Variants in EZH1 observed in about 807,000 individuals in gnomAD.
EZH1 encodes the protein enhancer of zeste 1 polycomb repressive complex 2 subunit, also known as histone-lysine N-methyltransferase EZH1.
Under a neutral mutation model 100.5 loss-of-function variants are expected in EZH1, and 33 were observed. The observed-to-expected ratio is 0.33, with a 90% CI of 0.25 to 0.44. EZH1 has a LOEUF of 0.44. Among genes scored for constraint, EZH1 ranks in the 20% least tolerant of loss-of-function variants. The pLI is 1.00. For synonymous variants in EZH1, 272 were observed against 313.8 expected (o/e 0.87, Z 1.41); for missense variants, 475 against 928.4 (o/e 0.51, Z 6.35).
At chr17:42,734,805 C>T (rs2054033681) in intron 1 of EZH1, among the ~76,000 whole-genome samples, 1 of 151,976 alleles carries the variant, frequency 6.6e-6, no homozygotes, top group South Asian at 2.1e-4. Context: ...ACCAGCCTGG[C>T]CAACATAGTG....
chr17:42,705,805 A>G, intron 16 of EZH1: 1 of 498,028 alleles, frequency 2.0e-6, no homozygotes, highest in Non-Finnish European at 3.3e-6. Flanking sequence ...GGCATGAGCC[A>G]CCACACCTGG....
intron 2 of EZH1, among the ~76,000 whole-genome samples, chr17:42,730,217 T>C (rs997626712): frequency 2.6e-5 from 4 of 152,168 alleles, no homozygotes; most frequent in African/African-American, 9.7e-5. Flanking sequence ...TACTTCAAGA[T>C]ATGGAAGTCT....
chr17:42,738,341 T>C (rs1338471651), intron 1 of EZH1, among the ~76,000 whole-genome samples: 1 of 152,060 alleles, frequency 6.6e-6, no homozygotes, highest in Non-Finnish European at 1.5e-5. Flanking sequence ...CTTTGATAGT[T>C]TCTCTTGAAT....
chr17:42,708,725 A>T, intron 14 of EZH1, 151 bp downstream of exon 14: 1 of 810,628 alleles, frequency 1.2e-6, no homozygotes, highest in Non-Finnish European at 2.1e-6. Flanking sequence ...AGTTGCAGTG[A>T]GAGGCTCAGC....
intron 1 of EZH1, 55 bp downstream of exon 1, chr17:42,744,956 G>A (rs1374411126): frequency 3.2e-6 from 4 of 1,252,994 alleles, no homozygotes; most frequent in Non-Finnish European, 4.1e-6. Flanking sequence ...GCCCAGGGCG[G>A]CGAGGGGAGG....
intron 5 of EZH1, 53 bp from the exon 6 acceptor site, chr17:42,722,968 T>C: frequency 6.4e-7 from 1 of 1,573,750 alleles, no homozygotes; most frequent in Non-Finnish European, 8.6e-7. Flanking sequence ...GCATCTGCTC[T>C]TTCCTATTTA....
Position 42,718,119 on chromosome 17 carries a change from G to A in EZH1, c.932-52C>T, listed in dbSNP as rs902632353. ...CAGTGGTCTATCCACTTGACAAGATGGGGAGAAACAAAAGTGAATTAGAGA... is the reference window on the plus strand; with the variant it reads ...CAGTGGTCTATCCACTTGACAAGATAGGGAGAAACAAAAGTGAATTAGAGA... On this transcript the variant is annotated intron_variant, in intron 9 of 20. Coordinates refer to ENST00000428826, the MANE Select transcript of EZH1 (RefSeq NM_001991.5). This position sits in a 1 kb window ranked among gnomAD's most constrained non-coding sequence, Gnocchi z 4.2. The A allele has an allele frequency of 6.7e-7, 1 of 1,487,568 alleles. No individual in the cohort carries two copies. Among genetic ancestry groups the A allele is most frequent in the African/African-American group, 1.4e-5 (1 of 72,452 alleles). 92.1% of individuals were successfully genotyped at this position (1,487,568 alleles called of 1,614,324 possible).
chr17:42,706,777 A>AG lies in EZH1; in HGVS notation c.1661-593dup, dbSNP rs560299430. On this transcript the variant is annotated intron_variant, in intron 15 of 20. Coordinates refer to ENST00000428826, the MANE Select transcript of EZH1 (RefSeq NM_001991.5). The surrounding 1 kb of genome is among the most constrained non-coding windows in gnomAD (Gnocchi z 4.4). ...CCCAACAATCCTCTCCCTCCCACTG[A>AG]GGTGGAGAGTACCCCAGAGAATATG... is the stretch of plus-strand genomic sequence containing the variant. Among the ~76,000 whole-genome samples the AG allele has an allele frequency of 1.1e-4, 16 of 152,278 alleles. No homozygotes were observed. In the South Asian group the frequency reaches 3.3e-3, roughly 32 times the overall value.
chr17:42,734,907 C>T (rs1051815271), intron 1 of EZH1, among the ~76,000 whole-genome samples: 6 of 149,296 alleles, frequency 4.0e-5, no homozygotes, highest in Non-Finnish European at 5.9e-5. Context: ...GCAGGAGAAT[C>T]GCTTGAACCT....
chr17:42,712,147 C>G (rs1315607816), intron 12 of EZH1, 142 bp downstream of exon 12: 3 of 871,700 alleles, frequency 3.4e-6, no homozygotes, highest in Admixed American at 2.6e-5. Context: ...GGGAAACTCA[C>G]AGAAGCACAG....
At chr17:42,705,015 T>C (rs1416699478) in intron 17 of EZH1, 73 bp downstream of exon 17, 1 of 1,290,108 alleles carries the variant, frequency 7.8e-7, no homozygotes, top group Non-Finnish European at 1.1e-6. Context: ...CAAAGAAGCC[T>C]GGCCCACAGA....
intron 6 of EZH1, among the ~76,000 whole-genome samples, chr17:42,721,437 A>G (rs181574405): frequency 1.3e-5 from 2 of 152,340 alleles, no homozygotes; most frequent in Admixed American, 6.5e-5. Flanking sequence ...TCAAAGAAGT[A>G]TGACAGAGAG....
intron 20 of EZH1, 120 bp downstream of exon 20, chr17:42,702,757 T>G: frequency 7.7e-7 from 1 of 1,297,896 alleles, no homozygotes; most frequent in Non-Finnish European, 1.1e-6. Flanking sequence ...GACACAGCCT[T>G]ATTCACCGGG....
In EZH1 at chr17:42,700,477, AG is replaced by A. The variant is rs2053220323; in HGVS notation, c.*2054del. The stretch of plus-strand genomic sequence containing the variant: ...ACAAAGGATGGGAAACTGGAGGAAC[AG>A]GAGTATTCATGAACTGAAGCTGGGA... On this transcript the variant is annotated 3_prime_UTR_variant, in exon 21 of 21. Transcript: ENST00000428826. 6.5e-6 allele frequency: 1 copy of A among 152,746 alleles called. No homozygotes were observed. The highest frequency in any genetic ancestry group is 1.5e-5 in the Non-Finnish European group (1 of 68,104). The allele number at this position is 152,746 out of a possible 1,614,324, so 9.5% of individuals were successfully genotyped here. A position where few individuals can be genotyped will look rare whatever the true frequency, so the allele number is the denominator to read the frequency against.
At chr17:42,724,229 C>T in intron 5 of EZH1, 76 bp downstream of exon 5, 2 of 1,564,476 alleles carry the variant, frequency 1.3e-6, no homozygotes, top group Non-Finnish European at 1.8e-6. Context: ...AATCTTTACC[C>T]TAAGAGGAGC....
rs569631135 is a variant in EZH1 at position 42,703,556 on chromosome 17, TATTC to T, written c.2098+180_2098+183del. 8.3e-6 allele frequency: 5 copies of T among 599,630 alleles called. No homozygotes were observed. In the South Asian group the frequency reaches 1.0e-4, roughly 12 times the overall value. 37.1% of individuals were successfully genotyped at this position (599,630 alleles called of 1,614,324 possible). On this transcript the variant is annotated intron_variant, in intron 19 of 20. Coordinates refer to ENST00000428826, the MANE Select transcript of EZH1 (RefSeq NM_001991.5). ...TGTTTGTGGGAAAGTGTTTATAATGTATTCGCTGAAAAAAGCAGATTAGAAAACT... is the reference window on the plus strand; with the variant it reads ...TGTTTGTGGGAAAGTGTTTATAATGTGCTGAAAAAAGCAGATTAGAAAACT...
rs1287970047 is a variant in EZH1 at position 42,713,352 on chromosome 17, C to T, written c.1061G>A (p.Arg354His). The change falls in exon 11 of 21, where the codon CGC (arginine) becomes CAC (histidine). Residue 354 changes from arginine (R) to histidine (H), a missense_variant. By Grantham distance (29) the Arg-to-His change is conservative. Transcript: ENST00000428826. ...AKEYAMLHNPRSKCSGRRRRR... is the reference protein window; with the variant it reads ...AKEYAMLHNPHSKCSGRRRRR... ...CCGGCGACGACCAGAGCACTTGGAG[C>T]GGGGGTTGTGGAGCATGGCATACTC... is the stretch of plus-strand genomic sequence containing the variant. 1.9e-6 allele frequency: 3 copies of T among 1,610,630 alleles called. No homozygotes were observed. Among genetic ancestry groups the T allele is most frequent in the Non-Finnish European group, 2.5e-6 (3 of 1,177,206 alleles).
chr17:42,709,157 G>T (rs2053423147), intron 13 of EZH1: 5 of 564,938 alleles, frequency 8.9e-6, no homozygotes, highest in South Asian at 6.9e-5. Context: ...TAACATAAAA[G>T]AACACAACAC....
rs1253810842 is a variant in EZH1, at chr17:42,729,544, C to T, written c.-11-592G>A. On this transcript the variant is annotated intron_variant, in intron 2 of 20. Coordinates refer to ENST00000428826, the MANE Select transcript of EZH1 (RefSeq NM_001991.5). Reference sequence around the variant, plus strand: ...AGTAGTTCAAGACTAGCCTGGCCAACATAGTGAAACCCCGTCTCTACTAAA... The same window carrying T: ...AGTAGTTCAAGACTAGCCTGGCCAATATAGTGAAACCCCGTCTCTACTAAA... Among the ~76,000 whole-genome samples the T allele has an allele frequency of 2.8e-5, 4 of 140,934 alleles. No individual in the cohort carries two copies. In the East Asian group the frequency reaches 8.5e-4, roughly 30 times the overall value. 92.5% of individuals were successfully genotyped at this position (140,934 alleles called of 152,430 possible). A position where few individuals can be genotyped will look rare whatever the true frequency, so the allele number is the denominator to read the frequency against.
Sources: gnomAD v4.1 joint callset for allele counts (sites outside exome capture counted in the v4.1 genomes callset) on GRCh38, gnomAD v4.1.1 for gene constraint, Gnocchi (gnomAD v3.1) non-coding constraint, MANE v1.5 for transcripts, NCBI Gene and HGNC (gene_info 2026-07-23, HGNC 2026-07-21) for gene names.